INSL6: variants seen among roughly 807,000 people sequenced by gnomAD.
INSL6 encodes insulin like 6.
INSL6 carries 16 observed loss-of-function variants against 9.4 expected under a neutral mutation model. The ratio of observed to expected loss-of-function variants is 1.70; its 90% CI spans 1.15 to 2.59. The LOEUF is 2.59. Among genes scored for constraint, INSL6 ranks in the 30% most tolerant of loss-of-function variants. INSL6 has a pLI of 0.00. For synonymous variants in INSL6, 154 were observed against 96.9 expected, an observed-to-expected ratio of 1.59 and a Z score of -3.46; for missense variants, 391 against 257.3, an observed-to-expected ratio of 1.52 and a Z score of -3.56.
chr9:5,119,293 A>G (rs963038403), downstream of INSL6, among the ~76,000 whole-genome samples: 1 of 152,108 alleles, frequency 6.6e-6, no homozygotes, highest in African/African-American at 2.4e-5. Context: ...TGACAGAACA[A>G]ATGCATGGAG....
At chr9:5,084,083 A>G in the INSL6 span, among the ~76,000 whole-genome samples, 1,003 of 152,236 alleles carry the variant, frequency 6.6e-3, 13 homozygotes, top group African/African-American at 0.023. Context: ...AGTGTTTTCC[A>G]TAGTTCCGTG....
At chr9:5,169,807 A>C (rs887943387) in intron 1 of INSL6, among the ~76,000 whole-genome samples, 2 of 152,212 alleles carry the variant, frequency 1.3e-5, no homozygotes, top group African/African-American at 4.8e-5. Context: ...ATTCAATAAG[A>C]AGAGCTTACT....
chr9:5,102,601 A>G, the INSL6 span, among the ~76,000 whole-genome samples: 7 of 152,172 alleles, frequency 4.6e-5, no homozygotes, highest in Non-Finnish European at 5.9e-5. Flanking sequence ...CATATTCACC[A>G]AGGTTGAAAT....
At chr9:4,994,764 G>C in the INSL6 span, among the ~76,000 whole-genome samples, 2 of 152,162 alleles carry the variant, frequency 1.3e-5, no homozygotes, top group Non-Finnish European at 2.9e-5. Flanking sequence ...ATCATTACTT[G>C]ACTCCACATC....
chr9:5,154,104 G>A (rs1424433797), intron 2 of INSL6, among the ~76,000 whole-genome samples: 2 of 152,148 alleles, frequency 1.3e-5, no homozygotes, highest in South Asian at 4.2e-4. Context: ...GAAACAGCAT[G>A]GTAGTGGTAC....
chr9:5,073,359 T>C, the INSL6 span, among the ~76,000 whole-genome samples: 3 of 152,220 alleles, frequency 2.0e-5, no homozygotes, highest in Admixed American at 6.5e-5. Context: ...TCTACCTCAG[T>C]TTCCTATATC....
chr9:5,072,245 CAGG>C, the INSL6 span, among the ~76,000 whole-genome samples: 648 of 152,260 alleles, frequency 4.3e-3, 1 homozygote, highest in Non-Finnish European at 6.1e-3. Context: ...ATAGCCCATT[CAGG>C]AGATTTCAAA....
chr9:5,136,834 T>C (rs201436277), intron 2 of INSL6, among the ~76,000 whole-genome samples: 26 of 152,248 alleles, frequency 1.7e-4, no homozygotes, highest in East Asian at 9.7e-4. Context: ...TCAAATTGTC[T>C]CTGTTTGCAG....
intron 2 of INSL6, among the ~76,000 whole-genome samples, chr9:5,157,198 G>A (rs1233016078): frequency 2.6e-5 from 4 of 152,066 alleles, no homozygotes; most frequent in Non-Finnish European, 4.4e-5. Flanking sequence ...TAGATTCAAT[G>A]CCATCCTTAT....
the INSL6 span, among the ~76,000 whole-genome samples, chr9:5,069,523 G>C: frequency 1.8e-4 from 27 of 152,034 alleles, no homozygotes; most frequent in African/African-American, 6.3e-4. Context: ...CATATACTTC[G>C]AGGATTTTAA....
intron 1 of INSL6, among the ~76,000 whole-genome samples, chr9:5,177,076 G>C (rs1314949547): frequency 6.6e-6 from 1 of 152,076 alleles, no homozygotes; most frequent in Non-Finnish European, 1.5e-5. Flanking sequence ...CAATGGGGTC[G>C]GGGGGAGTTG....
the INSL6 span, among the ~76,000 whole-genome samples, chr9:5,033,539 C>G: frequency 5.6e-4 from 86 of 152,314 alleles, no homozygotes; most frequent in Non-Finnish European, 1.0e-3. Flanking sequence ...AACAGCAGAT[C>G]TCTTGGCAGA....
At chr9:5,090,610 C>A in the INSL6 span, 1 of 1,544,340 alleles carries the variant, frequency 6.5e-7, no homozygotes, top group Non-Finnish European at 8.7e-7. Flanking sequence ...ATGAAGCAAC[C>A]GTGTTGAAGT....
At chr9:5,127,917 T>G (rs1824103499) in intron 3 of INSL6, 1 of 232,362 alleles carries the variant, frequency 4.3e-6, no homozygotes, top group African/African-American at 2.2e-5. Flanking sequence ...CTTGTTAATT[T>G]TATTCAAGAA....
chr9:5,178,464 CA>C (rs1289119014), intron 1 of INSL6, among the ~76,000 whole-genome samples: 2 of 151,956 alleles, frequency 1.3e-5, no homozygotes, highest in African/African-American at 4.8e-5. Flanking sequence ...CTTCACTGGG[CA>C]GGACCTCCAT....
the INSL6 span, chr9:5,064,889 G>T: frequency 1.9e-6 from 3 of 1,578,286 alleles, no homozygotes; most frequent in South Asian, 3.5e-5. Context: ...TTAGGAAATT[G>T]AACTTAGCTC....
chr9:5,075,048 G>C, the INSL6 span, among the ~76,000 whole-genome samples: 3 of 151,928 alleles, frequency 2.0e-5, no homozygotes, highest in African/African-American at 7.3e-5. Context: ...ACATTCCCTT[G>C]AGCCAAAGCC....
the INSL6 span, among the ~76,000 whole-genome samples, chr9:5,102,321 C>T: frequency 8.6e-5 from 13 of 151,946 alleles, no homozygotes; most frequent in Middle Eastern, 3.4e-3. Context: ...TGAAATAAAG[C>T]GAGAGGAGAA....
At chr9:5,137,217 T>TA (rs1288917250) in intron 2 of INSL6, among the ~76,000 whole-genome samples, 1 of 152,164 alleles carries the variant, frequency 6.6e-6, no homozygotes, top group African/African-American at 2.4e-5. Flanking sequence ...GATTCAATGC[T>TA]ACCACCATCA....
Sources: allele counts gnomAD v4.1 joint callset (sites outside exome capture counted in the v4.1 genomes callset), GRCh38; gene constraint gnomAD v4.1.1; transcripts MANE v1.5; gene names NCBI Gene and HGNC (gene_info 2026-07-23, HGNC 2026-07-21).